C1QTNF9: variants seen among roughly 807,000 people sequenced by gnomAD.
The protein encoded by C1QTNF9 is C1q and TNF related 9.
In C1QTNF9, 6 loss-of-function variants were observed where a neutral mutation model predicts 10.1. That is an observed-to-expected ratio of 0.59 (90% CI 0.32 to 1.17). C1QTNF9 has a LOEUF of 1.17. C1QTNF9 is among the 50% of genes most tolerant of loss of function. The probability of loss-of-function intolerance (pLI) is 0.04; values close to 1 mark genes in which losing one functional copy is unlikely to be tolerated. For synonymous variants in C1QTNF9, 98 were observed against 163.5 expected, an observed-to-expected ratio of 0.60 and a Z score of 3.06; for missense variants, 201 against 418.8, an observed-to-expected ratio of 0.48 and a Z score of 4.54.
chr13:24,316,956 A>G (rs1161580537), intron 2 of C1QTNF9, among the ~76,000 whole-genome samples: 1 of 152,192 alleles, frequency 6.6e-6, no homozygotes, highest in African/African-American at 2.4e-5. Context: ...AAATATATCA[A>G]AACTTCTATG....
chr13:24,315,020 T>A (rs1165362225), intron 1 of C1QTNF9, among the ~76,000 whole-genome samples: 1 of 152,092 alleles, frequency 6.6e-6, no homozygotes, highest in Non-Finnish European at 1.5e-5. Context: ...AAATTTAATT[T>A]AATTGTTTAA....
chr13:24,309,305 A>ATATATATATATATATATATATG (rs1283012806), upstream of C1QTNF9, among the ~76,000 whole-genome samples: 2 of 132,340 alleles, frequency 1.5e-5, no homozygotes, highest in African/African-American at 5.8e-5. Context: ...ATATATATAT[A>ATATATATATATATATATATATG]TATGAAAGAA....
chr13:24,308,689 G>A (rs918468636), upstream of C1QTNF9, among the ~76,000 whole-genome samples: 3 of 151,004 alleles, frequency 2.0e-5, no homozygotes, highest in African/African-American at 4.9e-5. Flanking sequence ...TGGCCTCGCC[G>A]CCGAGCTGGG....
At chr13:24,312,614 G>C (rs138422634) in intron 1 of C1QTNF9, among the ~76,000 whole-genome samples, 1 of 152,172 alleles carries the variant, frequency 6.6e-6, no homozygotes, top group African/African-American at 2.4e-5. Flanking sequence ...CTACATTAAA[G>C]AAGAGGCTAA....
At chr13:24,310,607 A>G (rs1171147327) in intron 1 of C1QTNF9, among the ~76,000 whole-genome samples, 1 of 148,562 alleles carries the variant, frequency 6.7e-6, no homozygotes, top group African/African-American at 2.5e-5. Context: ...CAGGAAAAAA[A>G]TAACTGTCAA....
chr13:24,320,938 G>A lies in C1QTNF9; in HGVS notation c.230-58G>A, dbSNP rs1878228618. On this transcript the variant is annotated intron_variant, in intron 3 of 3. Transcript: ENST00000332018. ...TGAGCTCAATTATAGAAAAACCAAAGTTGTTCACAAGGGAATCTTTCACAA... is the reference window on the plus strand; with the variant it reads ...TGAGCTCAATTATAGAAAAACCAAAATTGTTCACAAGGGAATCTTTCACAA... The A allele has an allele frequency of 3.2e-6, 5 of 1,556,616 alleles. No individual in the cohort carries two copies. In the South Asian group the frequency reaches 6.1e-5, roughly 19 times the overall value.
upstream of C1QTNF9, among the ~76,000 whole-genome samples, chr13:24,307,689 A>T (rs1223025319): frequency 6.6e-6 from 1 of 152,248 alleles, no homozygotes; most frequent in Non-Finnish European, 1.5e-5. Flanking sequence ...GGCGAGCCCC[A>T]GAACCCATAG....
chr13:24,319,611 A>T (rs1423882297), intron 3 of C1QTNF9, among the ~76,000 whole-genome samples: 1 of 152,178 alleles, frequency 6.6e-6, no homozygotes, highest in Non-Finnish European at 1.5e-5. Flanking sequence ...ATATTTGTTT[A>T]GCTTGCGGGA....
chr13:24,312,083 G>T (rs146993143), intron 1 of C1QTNF9, among the ~76,000 whole-genome samples: 71 of 152,294 alleles, frequency 4.7e-4, no homozygotes, highest in African/African-American at 1.7e-3. Context: ...GGTGAGAAGG[G>T]GTGTTGGAGA....
chr13:24,321,282 G>C lies in C1QTNF9; in HGVS notation c.516G>C (p.Gln172His), dbSNP rs574900968. ...GAGAAGCTGGACCCACGGGGCCCCA[G>C]GGTGAGCCAGGAGTCCGGGGAATAA... Residue 172 changes from glutamine to histidine, a missense_variant, in exon 4 of 4, where the codon CAG becomes CAC. Coordinates refer to ENST00000332018, the Ensembl canonical transcript of C1QTNF9. 32 of 1,496,896 alleles carry C rather than the reference G, an allele frequency of 2.1e-5. 1 individual carries two copies. The African/African-American group carries it at 3.4e-4, about 16-fold the overall frequency. The allele number at this position is 1,496,896 out of a possible 1,614,324, so 92.7% of individuals were successfully genotyped here.
At chr13:24,319,712 T>C (rs1445205310) in intron 3 of C1QTNF9, among the ~76,000 whole-genome samples, 1 of 152,208 alleles carries the variant, frequency 6.6e-6, no homozygotes, top group African/African-American at 2.4e-5. Flanking sequence ...GTTTTTGACT[T>C]GGTGCATCTG....
In C1QTNF9 at chr13:24,316,133, G is replaced by T; in HGVS notation, c.130G>T (p.Gly44Ter). 6.2e-7 allele frequency: 1 copy of T among 1,610,444 alleles called. No individual in the cohort carries two copies. The highest frequency in any genetic ancestry group is 8.5e-7 in the Non-Finnish European group (1 of 1,177,988). The change falls in exon 2 of 4, where the codon GGA (glycine) becomes TGA (stop). Residue 44 changes from glycine to a stop codon, truncating the protein, a stop_gained. Coordinates refer to ENST00000332018, the Ensembl canonical transcript of C1QTNF9. LOFTEE classifies it high-confidence loss of function. ...TCACAATGGTCTGCCTGGAAGAGAT[G>T]GACGAGACGGAGCGAAGGGTGACAA...
Position 24,318,711 on chromosome 13 carries a change from G to T in C1QTNF9, c.167-107G>T, listed in dbSNP as rs537026232. The stretch of plus-strand genomic sequence containing the variant: ...TGGAGGACAGAGTGCCCGTCAGGGC[G>T]GGGGTCACCCCCAGACTCTCCAACA... On this transcript the variant is annotated intron_variant, in intron 2 of 3. Transcript: ENST00000332018. The T allele has an allele frequency of 6.0e-6, 9 of 1,497,422 alleles. No homozygotes were observed. The East Asian group carries it at 2.0e-4, about 34-fold the overall frequency. 92.8% of individuals were successfully genotyped at this position (1,497,422 alleles called of 1,614,324 possible). A position where few individuals can be genotyped will look rare whatever the true frequency, so the allele number is the denominator to read the frequency against.
chr13:24,309,075 A>G (rs574592364), upstream of C1QTNF9, among the ~76,000 whole-genome samples: 1 of 152,046 alleles, frequency 6.6e-6, no homozygotes, highest in East Asian at 1.9e-4. Context: ...CGGGATCCAA[A>G]TGAGACCCAG....
intron 2 of C1QTNF9, 33 bp downstream of exon 2, chr13:24,316,202 C>T: frequency 2.0e-6 from 3 of 1,508,506 alleles, no homozygotes; most frequent in Non-Finnish European, 2.7e-6. Flanking sequence ...TGCCTTTCAA[C>T]TTCTCTCTTC....
intron 1 of C1QTNF9, among the ~76,000 whole-genome samples, chr13:24,311,534 C>T (rs1225185952): frequency 3.9e-5 from 6 of 152,160 alleles, no homozygotes; most frequent in African/African-American, 1.2e-4. Flanking sequence ...TGACTGTTGT[C>T]GCTTTTTACA....
At chr13:24,309,283 T>TATATATATATATATATATATATATA (rs1566212534), upstream of C1QTNF9, among the ~76,000 whole-genome samples, 3 of 68,264 alleles carry the variant, frequency 4.4e-5, no homozygotes, top group African/African-American at 4.9e-5. Flanking sequence ...ACTTAAAGTA[T>TATATATATATATATATATATATATA]TATATATATA....
chr13:24,315,656 A>G (rs1408142818), intron 1 of C1QTNF9: 1 of 449,526 alleles, frequency 2.2e-6, no homozygotes, highest in Non-Finnish European at 3.9e-6. Context: ...CCTGTGAGAT[A>G]AGTAAGCATT....
chr13:24,319,926 G>A (rs533114909), intron 3 of C1QTNF9, among the ~76,000 whole-genome samples: 14 of 152,290 alleles, frequency 9.2e-5, no homozygotes, highest in Non-Finnish European at 1.6e-4. Context: ...CTCATCTGAC[G>A]TCCTGTGTGC....
Sources: gnomAD v4.1 joint callset for allele counts (sites outside exome capture counted in the v4.1 genomes callset) on GRCh38, gnomAD v4.1.1 for gene constraint, MANE v1.5 for transcripts, NCBI Gene and HGNC (gene_info 2026-07-23, HGNC 2026-07-21) for gene names.